Variants in GALK2 observed in about 807,000 individuals in gnomAD.
The protein encoded by GALK2 is galactokinase 2.
Under a neutral mutation model 52.4 loss-of-function variants are expected in GALK2, and 36 were observed. The observed-to-expected ratio is 0.69, with a 90% CI of 0.53 to 0.91. The LOEUF is 0.91. GALK2 is among the 40% of genes least tolerant of loss of function. GALK2 has a pLI of 0.00. For synonymous variants in GALK2, 176 were observed against 199.1 expected, an observed-to-expected ratio of 0.88 and a Z score of 0.98; for missense variants, 579 against 559.1, an observed-to-expected ratio of 1.04 and a Z score of -0.36.
chr15:49,334,539 C>T (rs1190327801), downstream of GALK2, among the ~76,000 whole-genome samples: 1 of 152,128 alleles, frequency 6.6e-6, no homozygotes, highest in Admixed American at 6.5e-5. Context: ...ACCACAGGGG[C>T]CCTCTAGAAA....
At chr15:49,223,982 T>C (rs554625553) in intron 3 of GALK2, among the ~76,000 whole-genome samples, 9 of 152,156 alleles carry the variant, frequency 5.9e-5, no homozygotes, top group Non-Finnish European at 1.0e-4. Context: ...CTTTCCACAG[T>C]GGCTGAACTA....
chr15:49,249,944 T>A (rs1309266237), intron 5 of GALK2, among the ~76,000 whole-genome samples: 1 of 152,080 alleles, frequency 6.6e-6, no homozygotes, highest in Non-Finnish European at 1.5e-5. Flanking sequence ...TGCCCGTGCC[T>A]CTTTTAAAAA....
chr15:49,320,906 C>T (rs543714642), intron 9 of GALK2, among the ~76,000 whole-genome samples: 1 of 152,310 alleles, frequency 6.6e-6, no homozygotes, highest in East Asian at 1.9e-4. Context: ...GAAGAAATGT[C>T]TTTGCCTGGA....
chr15:49,330,090 G>C lies in GALK2; in HGVS notation c.*1931G>C, dbSNP rs577446009. On this transcript the variant is annotated 3_prime_UTR_variant, in exon 10 of 10. Transcript: ENST00000560031. ...ATAGGGCCGGGGCCATTAGAAAAAA[G>C]ATCATGCAGTAAATGGACTTTGAGC... The C allele has an allele frequency of 7.9e-5, 12 of 152,374 alleles. No individual in the cohort carries two copies. The highest frequency in any genetic ancestry group is 2.6e-4 in the African/African-American group (11 of 41,576). 9.4% of individuals were successfully genotyped at this position (152,374 alleles called of 1,614,324 possible).
chr15:49,191,534 T>C (rs937039227), intron 1 of GALK2, among the ~76,000 whole-genome samples: 2 of 152,202 alleles, frequency 1.3e-5, no homozygotes, highest in Non-Finnish European at 2.9e-5. Context: ...TATTTCTTCA[T>C]GGTTAGATTC....
chr15:49,277,544 T>C (rs777630356), intron 5 of GALK2, among the ~76,000 whole-genome samples: 1 of 147,016 alleles, frequency 6.8e-6, no homozygotes, highest in Non-Finnish European at 1.5e-5. Context: ...ACGCCTGTTA[T>C]CCCAGCACTT....
At position 49,170,322 on chromosome 15, in the gene GALK2, T is replaced by C. The variant is rs1422719440; in HGVS notation, c.-1T>C. On this transcript the variant is annotated 5_prime_UTR_variant, in exon 1 of 10. Coordinates refer to ENST00000560031, the MANE Select transcript of GALK2 (RefSeq NM_002044.4). ...CAGGAGAAAGAAGGATCTAGCGAAA[T>C]ATGGCTACAGAGAGCCCTGCTACGC... is the stretch of plus-strand genomic sequence containing the variant. The C allele has an allele frequency of 6.3e-7, 1 of 1,586,356 alleles. No individual in the cohort carries two copies. Among genetic ancestry groups the C allele is most frequent in the Admixed American group, 1.8e-5 (1 of 55,736 alleles).
chr15:49,355,553 A>G (rs1469575464), intron 3 of GALK2, among the ~76,000 whole-genome samples: 6 of 152,212 alleles, frequency 3.9e-5, no homozygotes, highest in Admixed American at 1.3e-4. Flanking sequence ...AAGAATAAAA[A>G]GAAATGAGCA....
At chr15:49,365,936 C>T in intron 3 of GALK2, 1 of 955,540 alleles carries the variant, frequency 1.0e-6, no homozygotes, top group South Asian at 1.3e-5. Flanking sequence ...CAGAAAATTG[C>T]TATCATAACA....
intron 5 of GALK2, among the ~76,000 whole-genome samples, chr15:49,251,536 T>A (rs2091601487): frequency 6.6e-6 from 1 of 152,158 alleles, no homozygotes; most frequent in Non-Finnish European, 1.5e-5. Context: ...AGATCTACCC[T>A]CTTAACAAAA....
Position 49,330,267 on chromosome 15 carries a change from C to G in GALK2, c.*2108C>G, listed in dbSNP as rs1469167532. The G allele has an allele frequency of 6.6e-6, 1 of 152,188 alleles. No individual in the cohort carries two copies. The highest frequency in any genetic ancestry group is 6.5e-5 in the Admixed American group (1 of 15,278). The allele number at this position is 152,188 out of a possible 1,614,324, so 9.4% of individuals were successfully genotyped here. A position where few individuals can be genotyped will look rare whatever the true frequency, so the allele number is the denominator to read the frequency against. On this transcript the variant is annotated 3_prime_UTR_variant, in exon 10 of 10. Coordinates refer to ENST00000560031, the MANE Select transcript of GALK2 (RefSeq NM_002044.4). ...ATGTAGTGAAGAATAAGATTGACTA[C>G]ACTGGCTGGAGCTAGCTTTTGAAGA...
chr15:49,252,052 G>C (rs1453205629), intron 5 of GALK2, among the ~76,000 whole-genome samples: 1 of 152,082 alleles, frequency 6.6e-6, no homozygotes, highest in Admixed American at 6.6e-5. Flanking sequence ...GATCACTTGA[G>C]GTCAGGAGTT....
chr15:49,338,342 C>T (rs886273699), intron 3 of GALK2, among the ~76,000 whole-genome samples: 20 of 152,206 alleles, frequency 1.3e-4, no homozygotes, highest in African/African-American at 4.8e-4. Flanking sequence ...AATCTCTCAG[C>T]ATTTCCTTGT....
intron 3 of GALK2, among the ~76,000 whole-genome samples, chr15:49,218,242 T>C (rs1328285722): frequency 6.6e-6 from 1 of 152,236 alleles, no homozygotes; most frequent in Non-Finnish European, 1.5e-5. Flanking sequence ...AGATCTTTTT[T>C]TCCTTTTCAT....
intron 7 of GALK2, among the ~76,000 whole-genome samples, chr15:49,289,279 T>C (rs933396252): frequency 6.6e-6 from 1 of 152,060 alleles, no homozygotes; most frequent in Admixed American, 6.5e-5. Flanking sequence ...ATGAAGGAAA[T>C]GAAGAAAAGG....
intron 1 of GALK2, among the ~76,000 whole-genome samples, chr15:49,159,771 T>C (rs985521776): frequency 6.6e-5 from 10 of 152,158 alleles, no homozygotes; most frequent in Non-Finnish European, 1.2e-4. Context: ...TATTTTATTA[T>C]GATAAATTTC....
chr15:49,182,182 C>T (rs1159743651), intron 1 of GALK2, among the ~76,000 whole-genome samples: 1 of 152,174 alleles, frequency 6.6e-6, no homozygotes, highest in Admixed American at 6.5e-5. Flanking sequence ...TCATTCTACT[C>T]TCTTTCTCCA....
intron 8 of GALK2, 45 bp downstream of exon 8, chr15:49,292,582 A>G: frequency 1.3e-6 from 2 of 1,500,180 alleles, no homozygotes; most frequent in Non-Finnish European, 1.8e-6. Context: ...TCCCTCACTT[A>G]CAGCTGGAAG....
intron 8 of GALK2, among the ~76,000 whole-genome samples, chr15:49,302,509 T>G (rs2035200277): frequency 6.6e-6 from 1 of 152,146 alleles, no homozygotes; most frequent in African/African-American, 2.4e-5. Context: ...ATAGATTATC[T>G]TGGTTAAGTC....
Sources: gnomAD v4.1 joint callset for allele counts (sites outside exome capture counted in the v4.1 genomes callset) on GRCh38, gnomAD v4.1.1 for gene constraint, MANE v1.5 for transcripts, NCBI Gene and HGNC (gene_info 2026-07-23, HGNC 2026-07-21) for gene names.